Variants in DAB1 observed in about 807,000 individuals in gnomAD.
DAB1 encodes the protein disabled homolog 1.
A neutral mutation model predicts 64.6 loss-of-function variants in DAB1; 15 were observed. The observed-to-expected ratio is 0.23, with a 90% CI of 0.16 to 0.36. DAB1 has a LOEUF of 0.36. DAB1 is among the 10% of genes least tolerant of loss of function. DAB1 has a pLI of 1.00. For synonymous variants in DAB1, 235 were observed against 251.9 expected (o/e 0.93, Z 0.64); for missense variants, 596 against 706.7 (o/e 0.84, Z 1.78).
At chr1:57,825,749 C>T (rs1012313082), downstream of DAB1, among the ~76,000 whole-genome samples, 4 of 152,096 alleles carry the variant, frequency 2.6e-5, no homozygotes, top group Non-Finnish European at 5.9e-5. Context: ...GCATTTTGCT[C>T]CTGGGACCTG....
intron 3 of DAB1, among the ~76,000 whole-genome samples, chr1:58,427,784 T>C (rs971167776): frequency 1.3e-5 from 2 of 152,130 alleles, no homozygotes; most frequent in African/African-American, 2.4e-5. Context: ...AGGGAGTTGG[T>C]CATGTAAATC....
At chr1:58,064,315 G>A (rs932393264) in intron 5 of DAB1, among the ~76,000 whole-genome samples, 1 of 152,342 alleles carries the variant, frequency 6.6e-6, no homozygotes, top group East Asian at 1.9e-4. Context: ...GCTGCAGTGT[G>A]CCAGCCACCA....
At position 58,185,080 on chromosome 1, in the gene DAB1, A is replaced by G. The variant is rs1656999672; in HGVS notation, n.310-34492T>C. On this transcript the variant is annotated intron_variant and non_coding_transcript_variant, in intron 4 of 20. Transcript: ENST00000485760. ...TATCCCACATTCTGCAAAACAAAAC[A>G]AAACAAAAAACTCAGTTATCTTTTC... Among the ~76,000 whole-genome samples, 4 of 152,222 alleles carry G rather than the reference A, an allele frequency of 2.6e-5. No homozygotes were observed. In the South Asian group the frequency reaches 8.3e-4, roughly 31 times the overall value.
chr1:57,510,926 G>A (rs1644398251), intron 7 of DAB1, among the ~76,000 whole-genome samples: 1 of 152,146 alleles, frequency 6.6e-6, no homozygotes, highest in African/African-American at 2.4e-5. Flanking sequence ...TTACAGGCAT[G>A]AGCCACCGCT....
chr1:57,732,078 G>C (rs955337927), intron 6 of DAB1, among the ~76,000 whole-genome samples: 1 of 152,152 alleles, frequency 6.6e-6, no homozygotes, highest in Non-Finnish European at 1.5e-5. Flanking sequence ...GAGGAGGCAG[G>C]AGGGCATGCA....
intron 5 of DAB1, among the ~76,000 whole-genome samples, chr1:57,924,868 A>T (rs1644857700): frequency 6.6e-6 from 1 of 152,146 alleles, no homozygotes; most frequent in East Asian, 1.9e-4. Flanking sequence ...TTTAAAAAAA[A>T]GTTAACAAAG....
chr1:57,511,416 T>C (rs559863122), intron 7 of DAB1, among the ~76,000 whole-genome samples: 418 of 152,332 alleles, frequency 2.7e-3, no homozygotes, highest in Non-Finnish European at 3.8e-3. Flanking sequence ...GAAATGCTCT[T>C]CATCAGCTCA....
At chr1:57,343,082 G>GT (rs1388010048) in intron 1 of DAB1, among the ~76,000 whole-genome samples, 2 of 152,010 alleles carry the variant, frequency 1.3e-5, no homozygotes, top group Non-Finnish European at 2.9e-5. Flanking sequence ...CCAGTGGTCT[G>GT]TTTTGACAGG....
chr1:57,760,965 C>A (rs1025855380), intron 6 of DAB1, among the ~76,000 whole-genome samples: 9 of 152,164 alleles, frequency 5.9e-5, no homozygotes. Flanking sequence ...GGAGAAGGTG[C>A]AAAATTGGCA....
intron 4 of DAB1, among the ~76,000 whole-genome samples, chr1:58,287,943 A>C (rs1170720601): frequency 6.8e-6 from 1 of 146,380 alleles, no homozygotes; most frequent in African/African-American, 2.6e-5. Flanking sequence ...AATCCCTTGA[A>C]TCTGGGAGGC....
intron 7 of DAB1, among the ~76,000 whole-genome samples, chr1:57,633,835 T>C (rs565359578): frequency 2.0e-5 from 3 of 152,240 alleles, no homozygotes; most frequent in African/African-American, 7.2e-5. Context: ...AGAAAGAGAA[T>C]AGGTACAAAG....
chr1:57,348,153 A>G (rs1678269568), intron 1 of DAB1, among the ~76,000 whole-genome samples: 1 of 152,208 alleles, frequency 6.6e-6, no homozygotes, highest in Non-Finnish European at 1.5e-5. Context: ...TTGTATTCAA[A>G]ACTTGCCGAG....
chr1:58,197,128 G>A (rs570909189), intron 4 of DAB1, among the ~76,000 whole-genome samples: 2 of 152,078 alleles, frequency 1.3e-5, no homozygotes, highest in Non-Finnish European at 2.9e-5. Context: ...AAGGAACCTG[G>A]GTCCCTGAAT....
At chr1:57,204,716 A>C (rs1665400606) in intron 2 of DAB1, among the ~76,000 whole-genome samples, 1 of 152,226 alleles carries the variant, frequency 6.6e-6, no homozygotes, top group Non-Finnish European at 1.5e-5. Context: ...ATTAGATTAA[A>C]ATGTACGTAA....
At chr1:57,358,616 GA>G (rs201712256) in intron 1 of DAB1, among the ~76,000 whole-genome samples, 9 of 148,768 alleles carry the variant, frequency 6.0e-5, no homozygotes, top group East Asian at 3.9e-4. Context: ...CACAGAAATA[GA>G]AAAAAAAAAT....
chr1:58,455,365 G>A lies in DAB1; in HGVS notation n.257+50695C>T, dbSNP rs550812324. Among the ~76,000 whole-genome samples, 21 of 152,328 alleles carry A rather than the reference G, an allele frequency of 1.4e-4. No homozygotes were observed. The South Asian group carries it at 1.7e-3, about 12-fold the overall frequency. On this transcript the variant is annotated intron_variant and non_coding_transcript_variant, in intron 3 of 20. Coordinates refer to the DAB1 transcript ENST00000485760. ...AGTCATCAGGGAGGGGTGCTTCTAC[G>A]TGGCCTTAATACCCTAGGATTGCAG...
chr1:58,030,699 C>G (rs1334835073), intron 5 of DAB1, among the ~76,000 whole-genome samples: 1 of 152,170 alleles, frequency 6.6e-6, no homozygotes, highest in Non-Finnish European at 1.5e-5. Flanking sequence ...ACTGCCAGAG[C>G]CTTGTGCCTG....
intron 1 of DAB1, among the ~76,000 whole-genome samples, chr1:57,846,329 G>C (rs2101921979): frequency 6.6e-6 from 1 of 151,940 alleles, no homozygotes; most frequent in South Asian, 2.1e-4. Context: ...GTGGTGGCAG[G>C]CACCTGTAGT....
chr1:57,365,312 T>C (rs1679900992), intron 1 of DAB1, among the ~76,000 whole-genome samples: 1 of 142,124 alleles, frequency 7.0e-6, no homozygotes, highest in South Asian at 2.1e-4. Context: ...TACATAAACA[T>C]ATATTTATGT....
Sources: gnomAD v4.1 joint callset for allele counts (sites outside exome capture counted in the v4.1 genomes callset) on GRCh38, gnomAD v4.1.1 for gene constraint, MANE v1.5 for transcripts, NCBI Gene and HGNC (gene_info 2026-07-23, HGNC 2026-07-21) for gene names.